ATP8A1: variants seen among roughly 807,000 people sequenced by gnomAD.
The protein encoded by ATP8A1 is phospholipid-transporting ATPase IA.
Under a neutral mutation model 177.7 loss-of-function variants are expected in ATP8A1, and 90 were observed. The observed-to-expected ratio is 0.51, with a 90% CI of 0.43 to 0.60. ATP8A1 has a LOEUF of 0.60. Among genes scored for constraint, ATP8A1 ranks in the 20% least tolerant of loss-of-function variants. The probability of loss-of-function intolerance (pLI) is 0.00; values close to 1 mark genes in which losing one functional copy is unlikely to be tolerated. For synonymous variants in ATP8A1, 493 were observed against 485.9 expected, an observed-to-expected ratio of 1.01 and a Z score of -0.19; for missense variants, 1,072 against 1,392.8, an observed-to-expected ratio of 0.77 and a Z score of 3.67.
At chr4:42,503,279 A>G (rs551918399) in intron 24 of ATP8A1, among the ~76,000 whole-genome samples, 171 bp downstream of exon 24, 2 of 152,350 alleles carry the variant, frequency 1.3e-5, no homozygotes, top group Non-Finnish European at 2.9e-5. Flanking sequence ...AGCTTGAATC[A>G]ATTTACATCA....
intron 35 of ATP8A1, among the ~76,000 whole-genome samples, chr4:42,419,645 G>A (rs1713639484): frequency 6.6e-6 from 1 of 152,178 alleles, no homozygotes; most frequent in Non-Finnish European, 1.5e-5. Flanking sequence ...ACCAAAGAAA[G>A]TCTGGTATCA....
intron 27 of ATP8A1, among the ~76,000 whole-genome samples, chr4:42,461,192 A>G (rs1719089668): frequency 6.6e-6 from 1 of 151,546 alleles, no homozygotes; most frequent in Non-Finnish European, 1.5e-5. Flanking sequence ...GGTGACAATG[A>G]TAATCTTTTG....
rs1369637773 is a variant in ATP8A1, at chr4:42,409,245, TACAG to T, written c.*3667_*3670del. On this transcript the variant is annotated 3_prime_UTR_variant, in exon 37 of 37. Coordinates refer to ENST00000381668, the MANE Select transcript of ATP8A1 (RefSeq NM_006095.2). ...CCTATCAAAAACACAGCTGTTCTCA[TACAG>T]AAAGTAAATCAAGACGAAATATGGA... is the stretch of plus-strand genomic sequence containing the variant. The T allele has an allele frequency of 6.6e-6, 1 of 152,194 alleles. No individual in the cohort carries two copies. The highest frequency in any genetic ancestry group is 1.5e-5 in the Non-Finnish European group (1 of 68,018). 9.4% of individuals were successfully genotyped at this position (152,194 alleles called of 1,614,324 possible).
Position 42,485,664 on chromosome 4 carries a change from G to A in ATP8A1, c.2156C>T (p.Thr719Ile). 1.2e-6 allele frequency: 2 copies of A among 1,609,208 alleles called. No individual in the cohort carries two copies. The highest frequency in any genetic ancestry group is 1.7e-6 in the Non-Finnish European group (2 of 1,178,082). The change falls in exon 25 of 37, where the codon ACA (threonine) becomes ATA (isoleucine). Residue 719 changes from threonine to isoleucine, a missense_variant. Thr to Ile is a moderately conservative substitution (Grantham distance 89, BLOSUM62 -1). This residue lies in a region of ATP8A1 where 388 missense variants were observed against 471.7 expected (regional missense o/e 0.82). Coordinates refer to ENST00000381668, the MANE Select transcript of ATP8A1 (RefSeq NM_006095.2). Reference protein sequence around the residue: ...IVINEGSLDGTRETLSRHCTT... With the variant: ...IVINEGSLDGIRETLSRHCTT... Reference sequence around the variant, plus strand: ...ACAGTGACGACTGAGAGTTTCCCTTGTTCCCTGGAATATTAAACAAGCAAA... The same window carrying A: ...ACAGTGACGACTGAGAGTTTCCCTTATTCCCTGGAATATTAAACAAGCAAA...
chr4:42,646,557 C>A (rs1740557313), intron 1 of ATP8A1, among the ~76,000 whole-genome samples: 1 of 152,176 alleles, frequency 6.6e-6, no homozygotes, highest in African/African-American at 2.4e-5. Context: ...AGGCTGGCAT[C>A]AGAACAAACC....
chr4:42,471,063 C>G (rs1310357385), intron 25 of ATP8A1, among the ~76,000 whole-genome samples: 1 of 151,790 alleles, frequency 6.6e-6, no homozygotes, highest in Non-Finnish European at 1.5e-5. Context: ...AATTAAGATA[C>G]AGCAAAAAAA....
At chr4:42,552,393 A>C in intron 17 of ATP8A1, 112 bp downstream of exon 17, 1 of 838,186 alleles carries the variant, frequency 1.2e-6, no homozygotes, top group East Asian at 2.8e-5. Flanking sequence ...TTGGTAAATA[A>C]AAATTTTTAT....
At chr4:42,516,239 C>A (rs1725523263) in intron 22 of ATP8A1, among the ~76,000 whole-genome samples, 1 of 152,130 alleles carries the variant, frequency 6.6e-6, no homozygotes, top group Non-Finnish European at 1.5e-5. Context: ...TCACAAACTA[C>A]AAAATGCACA....
chr4:42,478,046 A>C (rs1721266506), intron 25 of ATP8A1, among the ~76,000 whole-genome samples: 1 of 152,008 alleles, frequency 6.6e-6, no homozygotes, highest in Non-Finnish European at 1.5e-5. Context: ...TGTCTCAAAA[A>C]CATGTAGAAA....
intron 14 of ATP8A1, among the ~76,000 whole-genome samples, chr4:42,569,481 T>C (rs1409014643): frequency 6.6e-6 from 1 of 152,204 alleles, no homozygotes; most frequent in East Asian, 1.9e-4. Flanking sequence ...AAGTTCATAA[T>C]TCAGTAGGAA....
At chr4:42,492,133 G>C (rs1204883261) in intron 24 of ATP8A1, among the ~76,000 whole-genome samples, 4 of 152,014 alleles carry the variant, frequency 2.6e-5, no homozygotes, top group African/African-American at 7.2e-5. Flanking sequence ...AAACAAAAAA[G>C]TAAAAGGAAA....
intron 1 of ATP8A1, among the ~76,000 whole-genome samples, chr4:42,656,176 G>A (rs1033452834): frequency 3.9e-5 from 6 of 152,200 alleles, no homozygotes. Flanking sequence ...GGCCCCAGGT[G>A]GAGCAAAGAA....
intron 9 of ATP8A1, among the ~76,000 whole-genome samples, chr4:42,582,033 A>T (rs1733138378): frequency 6.6e-6 from 1 of 152,162 alleles, no homozygotes. Flanking sequence ...GCATTTGGAA[A>T]TGACCCTTCG....
intron 31 of ATP8A1, among the ~76,000 whole-genome samples, chr4:42,446,321 A>AC (rs1193019194): frequency 4.0e-5 from 6 of 151,366 alleles, no homozygotes; most frequent in Admixed American, 2.6e-4. Flanking sequence ...GAGAAAGGAG[A>AC]CCCCCCAGAT....
At chr4:42,521,261 G>A (rs1241801358) in intron 22 of ATP8A1, among the ~76,000 whole-genome samples, 3 of 152,172 alleles carry the variant, frequency 2.0e-5, no homozygotes, top group Non-Finnish European at 4.4e-5. Context: ...ATGATTTAGA[G>A]CATGAATACT....
chr4:42,567,399 TGTG>T (rs1731464679), intron 15 of ATP8A1, among the ~76,000 whole-genome samples: 1 of 151,822 alleles, frequency 6.6e-6, no homozygotes, highest in Non-Finnish European at 1.5e-5. Flanking sequence ...ATTAGCCAGG[TGTG>T]GTGGTGCATG....
chr4:42,600,895 C>T (rs1485956269), intron 5 of ATP8A1, among the ~76,000 whole-genome samples: 2 of 152,036 alleles, frequency 1.3e-5, no homozygotes, highest in Non-Finnish European at 2.9e-5. Flanking sequence ...AGAAAAATCA[C>T]AAGCACAGAA....
chr4:42,575,807 A>G, intron 12 of ATP8A1, 108 bp from the exon 13 acceptor site: 1 of 899,684 alleles, frequency 1.1e-6, no homozygotes, highest in Non-Finnish European at 1.8e-6. Context: ...TCACTGTTTG[A>G]TGAACTATAT....
chr4:42,466,792 A>G (rs1432356103), intron 25 of ATP8A1, among the ~76,000 whole-genome samples: 1 of 152,184 alleles, frequency 6.6e-6, no homozygotes, highest in African/African-American at 2.4e-5. Context: ...TCATTTTCAC[A>G]TTTTATTTAA....
Sources: gnomAD v4.1 joint callset for allele counts (sites outside exome capture counted in the v4.1 genomes callset) on GRCh38, gnomAD v4.1.1 for gene constraint, gnomAD v4.1.1 regional missense constraint, MANE v1.5 for transcripts, NCBI Gene and HGNC (gene_info 2026-07-23, HGNC 2026-07-21) for gene names.